The following PTPRN2 variants were observed in gnomAD, a reference collection of about 807,000 sequenced individuals.
PTPRN2 encodes protein tyrosine phosphatase receptor type N2, also known as receptor-type tyrosine-protein phosphatase N2.
PTPRN2 carries 74 observed loss-of-function variants against 118.8 expected under a neutral mutation model. The observed-to-expected ratio is 0.62, with a 90% CI of 0.52 to 0.76. The LOEUF (loss-of-function observed/expected upper bound fraction) is 0.76. Among genes scored for constraint, PTPRN2 ranks in the 30% least tolerant of loss-of-function variants. The pLI is 0.00. For synonymous variants in PTPRN2, 641 were observed against 608.0 expected (o/e 1.05, Z -0.80); for missense variants, 1,481 against 1,394.4 (o/e 1.06, Z -0.99).
chr7:157,678,276 G>C (rs1796763193), intron 13 of PTPRN2, among the ~76,000 whole-genome samples: 1 of 152,186 alleles, frequency 6.6e-6, no homozygotes, highest in South Asian at 2.1e-4. Context: ...CTAAGATACA[G>C]AGCTGATTGA....
At chr7:157,857,055 T>C (rs893786264) in intron 12 of PTPRN2, among the ~76,000 whole-genome samples, 11 of 148,074 alleles carry the variant, frequency 7.4e-5, no homozygotes, top group Admixed American at 6.2e-4. Context: ...TTGGGCGCCA[T>C]GAGTGGGAGT....
intron 12 of PTPRN2, among the ~76,000 whole-genome samples, chr7:157,767,426 A>G (rs10242295): frequency 0.015 from 2,219 of 152,344 alleles, 71 homozygotes; most frequent in African/African-American, 0.05. Flanking sequence ...TTCTACCTTG[A>G]TAATGATGCC....
chr7:157,552,958 C>T (rs755131752), intron 21 of PTPRN2, among the ~76,000 whole-genome samples: 2 of 152,226 alleles, frequency 1.3e-5, no homozygotes, highest in Non-Finnish European at 2.9e-5. Context: ...GGCAACCTCA[C>T]AGATCTCGTG....
intron 11 of PTPRN2, among the ~76,000 whole-genome samples, chr7:157,938,338 T>C (rs915914856): frequency 6.6e-6 from 1 of 152,224 alleles, no homozygotes; most frequent in African/African-American, 2.4e-5. Flanking sequence ...GCCTGCAGTG[T>C]CATCCCTGCC....
rs376007550 is a variant in PTPRN2 at position 158,239,165 on chromosome 7, C to T, written c.278-33892G>A. Among the ~76,000 whole-genome samples the T allele has an allele frequency of 1.4e-4, 22 of 152,282 alleles. 1 individual carries two copies. The highest frequency in any genetic ancestry group is 5.3e-4 in the African/African-American group (22 of 41,564). The stretch of plus-strand genomic sequence containing the variant: ...CCTTCTCTGAGGCCAGCCAGAGGGT[C>T]GATGTTCCTCTGCGCCTTTTCCAAA... On this transcript the variant is annotated intron_variant, in intron 3 of 22. Coordinates refer to ENST00000389418, the MANE Select transcript of PTPRN2 (RefSeq NM_002847.5).
intron 1 of PTPRN2, among the ~76,000 whole-genome samples, chr7:158,518,105 G>A (rs888843857): frequency 3.3e-5 from 5 of 152,206 alleles, no homozygotes; most frequent in Non-Finnish European, 7.3e-5. Flanking sequence ...GACTCCAGGA[G>A]GGCAAGAGTG....
intron 2 of PTPRN2, among the ~76,000 whole-genome samples, chr7:158,352,362 T>C (rs939513449): frequency 7.4e-6 from 1 of 135,824 alleles, no homozygotes; most frequent in Non-Finnish European, 1.6e-5. Context: ...GCTCCCCTCC[T>C]GACCACTCCC....
chr7:157,866,496 CAT>C (rs771249201), intron 12 of PTPRN2, among the ~76,000 whole-genome samples: 4 of 152,078 alleles, frequency 2.6e-5, no homozygotes, highest in South Asian at 2.1e-4. Flanking sequence ...CACACACACA[CAT>C]ACACACAGTG....
At chr7:158,524,085 AC>A (rs1433587829) in intron 1 of PTPRN2, among the ~76,000 whole-genome samples, 1 of 46,942 alleles carries the variant, frequency 2.1e-5, no homozygotes, top group Non-Finnish European at 3.9e-5. Context: ...GGAGTCATCT[AC>A]CCTGGAGTGG....
intron 22 of PTPRN2, among the ~76,000 whole-genome samples, chr7:157,544,374 C>T (rs753797485): frequency 1.1e-4 from 16 of 152,168 alleles, no homozygotes; most frequent in South Asian, 4.1e-4. Context: ...GCTTCTGGGA[C>T]GGAGGACAAC....
chr7:158,425,117 A>C (rs1227153144), intron 2 of PTPRN2, among the ~76,000 whole-genome samples: 1 of 152,258 alleles, frequency 6.6e-6, no homozygotes, highest in Admixed American at 6.5e-5. Context: ...TAAGAACCCA[A>C]AACAATAGGC....
intron 12 of PTPRN2, among the ~76,000 whole-genome samples, chr7:157,717,809 G>GCA (rs1337476449): frequency 6.6e-6 from 1 of 152,286 alleles, no homozygotes; most frequent in Non-Finnish European, 1.5e-5. Context: ...GCCTTCAAGA[G>GCA]CAAAGACTGA....
rs149578567 is a variant in PTPRN2, at chr7:157,764,047, G to A, written c.1789-81110C>T. On this transcript the variant is annotated intron_variant, in intron 12 of 22. Coordinates refer to ENST00000389418, the MANE Select transcript of PTPRN2 (RefSeq NM_002847.5). The surrounding 1 kb of genome is among the most constrained non-coding windows in gnomAD (Gnocchi z 4.5). ...GTGGAGGCTAGGAGAGGCCATGCACGCACCCTCTAGGATGGCCGTAACTAA... is the reference window on the plus strand; with the variant it reads ...GTGGAGGCTAGGAGAGGCCATGCACACACCCTCTAGGATGGCCGTAACTAA... Among the ~76,000 whole-genome samples, 4 of 152,306 alleles carry A rather than the reference G, an allele frequency of 2.6e-5. No homozygotes were observed. The highest frequency in any genetic ancestry group is 9.6e-5 in the African/African-American group (4 of 41,566).
chr7:158,079,554 T>G lies in PTPRN2; in HGVS notation c.1723+1744A>C, dbSNP rs546004865. ...AACAAGATTGCCATTCCTAGCATCC[T>G]TGAGGTCCTGCAAACCTAATTCCAG... On this transcript the variant is annotated intron_variant, in intron 11 of 22. Coordinates refer to ENST00000389418, the MANE Select transcript of PTPRN2 (RefSeq NM_002847.5). Among the ~76,000 whole-genome samples the G allele has an allele frequency of 7.2e-5, 11 of 152,378 alleles. No individual in the cohort carries two copies. The East Asian group carries it at 2.1e-3, about 29-fold the overall frequency.
At chr7:158,457,371 C>G (rs142139985) in intron 2 of PTPRN2, among the ~76,000 whole-genome samples, 1 of 152,202 alleles carries the variant, frequency 6.6e-6, no homozygotes, top group South Asian at 2.1e-4. Context: ...ACACTTCCAG[C>G]GGGCAGGTGT....
At chr7:158,274,463 G>A (rs1798820485) in intron 3 of PTPRN2, among the ~76,000 whole-genome samples, 1 of 141,844 alleles carries the variant, frequency 7.1e-6, no homozygotes, top group African/African-American at 2.6e-5. Context: ...GGGAGCCGCA[G>A]ACACAGGAGG....
rs187818030 is a variant in PTPRN2 at position 157,990,871 on chromosome 7, G to A, written c.1723+90427C>T. Among the ~76,000 whole-genome samples the A allele has an allele frequency of 1.6e-4, 25 of 152,298 alleles. No homozygotes were observed. The East Asian group carries it at 4.4e-3, about 27-fold the overall frequency. ...GTCCCAGCGCTTACCGAGGAGGACT[G>A]GGGAGGGGGGCCGAGTCTCCAGTCA... On this transcript the variant is annotated intron_variant, in intron 11 of 22. Transcript: ENST00000389418. This position sits in a 1 kb window ranked among gnomAD's most constrained non-coding sequence, Gnocchi z 4.3.
At chr7:158,319,504 TCCC>T (rs1435175067) in intron 2 of PTPRN2, among the ~76,000 whole-genome samples, 2 of 31,482 alleles carry the variant, frequency 6.4e-5, no homozygotes, top group African/African-American at 1.6e-4. Context: ...TCACACAGCC[TCCC>T]CCCACACACA....
chr7:158,138,664 TG>T, intron 6 of PTPRN2, 149 bp from the exon 7 acceptor site: 1 of 669,318 alleles, frequency 1.5e-6, no homozygotes, highest in Non-Finnish European at 2.5e-6. Context: ...CAGAGAAGAT[TG>T]GGATATTGGA....
Sources: gnomAD v4.1 joint callset for allele counts (sites outside exome capture counted in the v4.1 genomes callset) on GRCh38, gnomAD v4.1.1 for gene constraint, Gnocchi (gnomAD v3.1) non-coding constraint, MANE v1.5 for transcripts, NCBI Gene and HGNC (gene_info 2026-07-23, HGNC 2026-07-21) for gene names.